PEBP4: variants seen among roughly 807,000 people sequenced by gnomAD.
PEBP4 encodes the protein phosphatidylethanolamine-binding protein 4.
A neutral mutation model predicts 23.9 loss-of-function variants in PEBP4; 22 were observed. The ratio of observed to expected loss-of-function variants is 0.92; its 90% CI spans 0.66 to 1.31. The LOEUF (loss-of-function observed/expected upper bound fraction) is 1.31, where lower values mean the gene tolerates loss of function less well. PEBP4 is among the 40% of genes most tolerant of loss of function. The probability of loss-of-function intolerance (pLI) is 0.00; values close to 1 mark genes in which losing one functional copy is unlikely to be tolerated. For missense variants in PEBP4, 324 were observed against 281.7 expected (o/e 1.15, Z -1.07); for synonymous variants, 112 against 99.3 (o/e 1.13, Z -0.76).
intron 4 of PEBP4, among the ~76,000 whole-genome samples, chr8:22,773,712 AG>A (rs1805760882): frequency 6.6e-6 from 1 of 152,102 alleles, no homozygotes; most frequent in Non-Finnish European, 1.5e-5. Flanking sequence ...GCTTGTCACT[AG>A]GGAGCGGGTG....
chr8:22,826,322 T>A (rs1178914767), intron 3 of PEBP4, among the ~76,000 whole-genome samples: 1 of 152,214 alleles, frequency 6.6e-6, no homozygotes, highest in Non-Finnish European at 1.5e-5. Context: ...GCGGGGAAAC[T>A]GAGGCTGCAT....
intron 4 of PEBP4, among the ~76,000 whole-genome samples, chr8:22,734,115 T>C (rs1804800018): frequency 2.0e-5 from 3 of 152,200 alleles, no homozygotes; most frequent in Admixed American, 1.3e-4. Flanking sequence ...GGCACAGGAC[T>C]GGAAAGCGCT....
intron 4 of PEBP4, among the ~76,000 whole-genome samples, chr8:22,743,682 A>AG (rs150359475): frequency 0.17 from 25,938 of 152,204 alleles, 2,803 homozygotes; most frequent in Admixed American, 0.24. Context: ...GGGGACAGGG[A>AG]GGGAGGAAGT....
chr8:22,888,312 C>T (rs1808425236), intron 3 of PEBP4, among the ~76,000 whole-genome samples: 1 of 152,134 alleles, frequency 6.6e-6, no homozygotes, highest in African/African-American at 2.4e-5. Flanking sequence ...TGCCACCAAG[C>T]CCAGCTGATT....
At chr8:22,896,781 T>C (rs1259291495) in intron 3 of PEBP4, among the ~76,000 whole-genome samples, 1 of 152,120 alleles carries the variant, frequency 6.6e-6, no homozygotes, top group East Asian at 1.9e-4. Flanking sequence ...TGACCTGTTA[T>C]ATGACGCCTT....
At chr8:22,827,040 C>G (rs189935509) in intron 3 of PEBP4, among the ~76,000 whole-genome samples, 26 of 152,190 alleles carry the variant, frequency 1.7e-4, no homozygotes, top group Admixed American at 3.3e-4. Context: ...CTCAGAGAAC[C>G]CTCATTCCAC....
At chr8:22,790,717 G>A (rs932038505) in intron 4 of PEBP4, among the ~76,000 whole-genome samples, 2 of 152,164 alleles carry the variant, frequency 1.3e-5, no homozygotes, top group African/African-American at 2.4e-5. Context: ...GAAATGAAGA[G>A]TTGGCTCCTT....
intron 3 of PEBP4, among the ~76,000 whole-genome samples, chr8:22,893,168 G>C (rs1240986398): frequency 6.6e-6 from 1 of 152,208 alleles, no homozygotes; most frequent in African/African-American, 2.4e-5. Flanking sequence ...ACCAGGCAGA[G>C]TAAAAATGCC....
chr8:22,878,765 T>C (rs1396353184), intron 3 of PEBP4, among the ~76,000 whole-genome samples: 1 of 152,152 alleles, frequency 6.6e-6, no homozygotes, highest in Non-Finnish European at 1.5e-5. Context: ...GCAAACTGGA[T>C]GTCTAGGCCA....
chr8:22,848,737 TC>T (rs1280111817), intron 3 of PEBP4, among the ~76,000 whole-genome samples: 1 of 152,158 alleles, frequency 6.6e-6, no homozygotes, highest in Non-Finnish European at 1.5e-5. Context: ...AGGAGAAATT[TC>T]CTTTCTTCTG....
chr8:22,825,972 A>G (rs1367891433), intron 3 of PEBP4, among the ~76,000 whole-genome samples: 1 of 152,210 alleles, frequency 6.6e-6, no homozygotes. Flanking sequence ...TACATGATAT[A>G]TCTAAAATAG....
At chr8:22,909,184 C>T (rs1175080132) in intron 3 of PEBP4, among the ~76,000 whole-genome samples, 1 of 152,130 alleles carries the variant, frequency 6.6e-6, no homozygotes, top group Non-Finnish European at 1.5e-5. Flanking sequence ...TCGGCTCTTC[C>T]CATTGCAGCC....
chr8:22,847,907 C>T (rs1355401925), intron 3 of PEBP4, among the ~76,000 whole-genome samples: 1 of 152,180 alleles, frequency 6.6e-6, no homozygotes, highest in African/African-American at 2.4e-5. Flanking sequence ...TGGGGGTAAT[C>T]GCTGAACTCT....
rs139016114 is a variant in PEBP4, at chr8:22,818,028, G to A, written c.259-293C>T. 5.3e-5 allele frequency among the ~76,000 whole-genome samples: 8 copies of A among 152,350 alleles called. No individual in the cohort carries two copies. The East Asian group carries it at 1.3e-3, about 26-fold the overall frequency. On this transcript the variant is annotated intron_variant, in intron 3 of 6. Coordinates refer to ENST00000256404, the MANE Select transcript of PEBP4 (RefSeq NM_144962.3). ...GGAAGTTCTGAGCGCTGTGCTGAGTGCCGTGGAGGAATCAAGGAAACCTAA... is the reference window on the plus strand; with the variant it reads ...GGAAGTTCTGAGCGCTGTGCTGAGTACCGTGGAGGAATCAAGGAAACCTAA...
At chr8:22,760,166 A>G (rs1015165777) in intron 4 of PEBP4, among the ~76,000 whole-genome samples, 1 of 152,096 alleles carries the variant, frequency 6.6e-6, no homozygotes, top group East Asian at 1.9e-4. Flanking sequence ...TTACAAACCT[A>G]TGGGGTGGAT....
intron 3 of PEBP4, among the ~76,000 whole-genome samples, chr8:22,840,186 T>A (rs1214177524): frequency 6.6e-6 from 1 of 152,066 alleles, no homozygotes; most frequent in Non-Finnish European, 1.5e-5. Context: ...ACGGTTCAGG[T>A]TTCGGATAGA....
intron 3 of PEBP4, among the ~76,000 whole-genome samples, chr8:22,912,380 A>T (rs771518765): frequency 6.6e-6 from 1 of 152,198 alleles, no homozygotes; most frequent in Admixed American, 6.5e-5. Context: ...GTGGAGCTCC[A>T]TCCGGATCTG....
intron 3 of PEBP4, chr8:22,897,661 T>G (rs1374109649): frequency 1.3e-5 from 2 of 152,170 alleles, no homozygotes; most frequent in Non-Finnish European, 2.9e-5. Flanking sequence ...ATGTTTCCTT[T>G]AAACATCAAA....
At chr8:22,785,244 G>GA (rs1806004972) in intron 4 of PEBP4, among the ~76,000 whole-genome samples, 1 of 152,104 alleles carries the variant, frequency 6.6e-6, no homozygotes. Context: ...TATTTTGGAG[G>GA]AAAAAAGCCG....
Sources: gnomAD v4.1 joint callset for allele counts (sites outside exome capture counted in the v4.1 genomes callset) on GRCh38, gnomAD v4.1.1 for gene constraint, MANE v1.5 for transcripts, NCBI Gene and HGNC (gene_info 2026-07-23, HGNC 2026-07-21) for gene names.